The following LPAR1 variants were observed in gnomAD, a reference collection of about 807,000 sequenced individuals.
LPAR1 encodes LPA receptor 1.
LPAR1 carries 5 observed loss-of-function variants against 23.8 expected under a neutral mutation model. The ratio of observed to expected loss-of-function variants is 0.21; its 90% CI spans 0.11 to 0.44. LPAR1 has a LOEUF of 0.44. Among genes scored for constraint, LPAR1 ranks in the 20% least tolerant of loss-of-function variants. LPAR1 has a pLI of 0.99. For missense variants in LPAR1, 311 were observed against 482.8 expected (o/e 0.64, Z 3.33); for synonymous variants, 160 against 164.7 (o/e 0.97, Z 0.22).
intron 4 of LPAR1, among the ~76,000 whole-genome samples, chr9:110,957,158 A>G (rs1349967634): frequency 6.6e-6 from 1 of 151,898 alleles, no homozygotes; most frequent in African/African-American, 2.4e-5. Context: ...ACTTGAGCCC[A>G]GGAGTTCAAG....
At chr9:111,024,028 G>A (rs1588913605) in intron 2 of LPAR1, among the ~76,000 whole-genome samples, 1 of 152,028 alleles carries the variant, frequency 6.6e-6, no homozygotes, top group Non-Finnish European at 1.5e-5. Flanking sequence ...AATATACGAG[G>A]AAAAAGCAGC....
At chr9:110,999,632 G>T (rs114447048) in intron 2 of LPAR1, among the ~76,000 whole-genome samples, 2,322 of 152,228 alleles carry the variant, frequency 0.015, 61 homozygotes, top group African/African-American at 0.052. Context: ...GGCCTCTTCG[G>T]GGTTGTGGTC....
chr9:110,881,583 C>T (rs1210393204), intron 5 of LPAR1, among the ~76,000 whole-genome samples: 1 of 152,124 alleles, frequency 6.6e-6, no homozygotes, highest in Non-Finnish European at 1.5e-5. Flanking sequence ...TGCAACTGTA[C>T]CTTGGAAAGT....
chr9:111,023,274 T>C lies in LPAR1; in HGVS notation c.-182+12848A>G, dbSNP rs75926332. On this transcript the variant is annotated intron_variant, in intron 2 of 5. Transcript: ENST00000683809. The stretch of plus-strand genomic sequence containing the variant: ...CAAAGAAGATTGCCTTCCACCTGTC[T>C]TTCCCTTCCGGTTTTCTATTTTGCT... Among the ~76,000 whole-genome samples the C allele has an allele frequency of 1.0e-3, 153 of 152,270 alleles. 1 individual carries two copies. In the East Asian group the frequency reaches 0.026, roughly 26 times the overall value.
intron 2 of LPAR1, among the ~76,000 whole-genome samples, chr9:110,978,587 T>C (rs898500805): frequency 2.0e-5 from 3 of 152,122 alleles, no homozygotes; most frequent in African/African-American, 4.8e-5. Flanking sequence ...ATAAACAAAA[T>C]AGAAGAAATT....
intron 5 of LPAR1, among the ~76,000 whole-genome samples, chr9:110,903,596 T>G (rs533189623): frequency 1.3e-5 from 2 of 152,132 alleles, no homozygotes; most frequent in Admixed American, 1.3e-4. Context: ...ATTTACTCAC[T>G]ATGAACAAGA....
At chr9:110,911,561 G>GA (rs141466892) in intron 5 of LPAR1, among the ~76,000 whole-genome samples, 5,587 of 149,804 alleles carry the variant, frequency 0.037, 328 homozygotes, top group African/African-American at 0.13. Flanking sequence ...TGGAGGATTT[G>GA]AAAAAAAAAT....
intron 2 of LPAR1, among the ~76,000 whole-genome samples, chr9:111,013,019 A>G (rs1412820457): frequency 6.6e-6 from 1 of 152,138 alleles, no homozygotes; most frequent in African/African-American, 2.4e-5. Context: ...TTCTCCCCTA[A>G]ATAAGCAAAC....
At chr9:110,998,084 A>G (rs2097054296) in intron 2 of LPAR1, among the ~76,000 whole-genome samples, 1 of 152,160 alleles carries the variant, frequency 6.6e-6, no homozygotes, top group African/African-American at 2.4e-5. Context: ...AAGAATTTGC[A>G]TTTATTAACA....
chr9:111,004,549 G>A (rs568826119), intron 2 of LPAR1, among the ~76,000 whole-genome samples: 1 of 152,190 alleles, frequency 6.6e-6, no homozygotes, highest in East Asian at 1.9e-4. Context: ...CATCTTACTT[G>A]ACCCTCTGTT....
intron 2 of LPAR1, among the ~76,000 whole-genome samples, chr9:111,003,017 A>T (rs1173687184): frequency 6.6e-6 from 1 of 152,166 alleles, no homozygotes; most frequent in Non-Finnish European, 1.5e-5. Flanking sequence ...TGGTTACAAG[A>T]AACCTAATTT....
chr9:110,937,404 T>C (rs1242675362), intron 5 of LPAR1, among the ~76,000 whole-genome samples: 2 of 152,210 alleles, frequency 1.3e-5, no homozygotes, highest in African/African-American at 4.8e-5. Context: ...TGCCCAACCT[T>C]GAATCCCAGC....
chr9:110,903,882 CAAAAAAAAAAA>C (rs61456167), intron 5 of LPAR1, among the ~76,000 whole-genome samples: 20,680 of 77,698 alleles, frequency 0.27, 2,046 homozygotes, highest in Middle Eastern at 0.4. Context: ...AAGTGAATTG[CAAAAAAAAAAA>C]AAAAAAAAAA....
chr9:110,997,854 G>A (rs368939286), intron 2 of LPAR1, among the ~76,000 whole-genome samples: 1 of 152,296 alleles, frequency 6.6e-6, no homozygotes, highest in Middle Eastern at 3.4e-3. Context: ...TCCAAAGCTG[G>A]TGCATAAGAT....
intron 5 of LPAR1, among the ~76,000 whole-genome samples, chr9:110,907,971 C>T (rs2091656268): frequency 6.7e-6 from 1 of 149,190 alleles, no homozygotes; most frequent in South Asian, 2.1e-4. Context: ...TTTCTGATTT[C>T]AGGGAAAAGC....
intron 4 of LPAR1, among the ~76,000 whole-genome samples, chr9:110,956,242 T>C (rs564682215): frequency 2.8e-4 from 39 of 139,736 alleles, no homozygotes; most frequent in African/African-American, 1.0e-3. Flanking sequence ...TGTCGGGGGG[T>C]TGGGGGGCTA....
At chr9:110,884,938 C>A (rs1476959145) in intron 5 of LPAR1, among the ~76,000 whole-genome samples, 2 of 151,960 alleles carry the variant, frequency 1.3e-5, no homozygotes, top group African/African-American at 4.8e-5. Flanking sequence ...TATTTGGTAT[C>A]CTGGGTGATA....
intron 5 of LPAR1, among the ~76,000 whole-genome samples, chr9:110,897,504 C>G (rs1346839953): frequency 1.3e-5 from 2 of 152,190 alleles, no homozygotes; most frequent in Non-Finnish European, 2.9e-5. Flanking sequence ...CCTTTCAACC[C>G]CCTTAGCATG....
chr9:110,911,478 G>A (rs966043333), intron 5 of LPAR1, among the ~76,000 whole-genome samples: 1 of 152,022 alleles, frequency 6.6e-6, no homozygotes, highest in Admixed American at 6.6e-5. Context: ...GGAAGTAGAG[G>A]CTACAATGCA....
Sources: gnomAD v4.1 joint callset for allele counts (sites outside exome capture counted in the v4.1 genomes callset) on GRCh38, gnomAD v4.1.1 for gene constraint, MANE v1.5 for transcripts, NCBI Gene and HGNC (gene_info 2026-07-23, HGNC 2026-07-21) for gene names.